EXT1: variants seen among roughly 807,000 people sequenced by gnomAD.
The protein encoded by EXT1 is exostosin glycosyltransferase 1.
EXT1 carries 20 observed loss-of-function variants against 82.5 expected under a neutral mutation model. That is an observed-to-expected ratio of 0.24 (90% CI 0.17 to 0.35). The LOEUF is 0.35. Ranked by LOEUF, EXT1 falls within the 10% of genes least tolerant of loss-of-function variation. The pLI is 1.00. For missense variants in EXT1, 757 were observed against 936.5 expected (o/e 0.81, Z 2.50); for synonymous variants, 348 against 350.8 (o/e 0.99, Z 0.09).
chr8:117,851,667 T>A (rs1812458183), intron 1 of EXT1, among the ~76,000 whole-genome samples: 1 of 149,344 alleles, frequency 6.7e-6, no homozygotes, highest in Admixed American at 6.6e-5. Flanking sequence ...TTAATTTATT[T>A]AATGCATTTG....
At chr8:117,991,753 C>A (rs550903361) in intron 1 of EXT1, among the ~76,000 whole-genome samples, 1 of 151,924 alleles carries the variant, frequency 6.6e-6, no homozygotes, top group Non-Finnish European at 1.5e-5. Flanking sequence ...GTGGACACAG[C>A]GTTTCACCAT....
chr8:117,807,485 G>A (rs544125887), intron 8 of EXT1, 108 bp from the exon 9 acceptor site: 17 of 1,245,352 alleles, frequency 1.4e-5, no homozygotes, highest in South Asian at 7.6e-5. Context: ...GGACTGTGGC[G>A]AAACATTAAT....
In EXT1 at chr8:117,881,307, C is replaced by CA. The variant is rs1304654414; in HGVS notation, c.963-44107dup. On this transcript the variant is annotated intron_variant, in intron 1 of 10. Coordinates refer to ENST00000378204, the MANE Select transcript of EXT1 (RefSeq NM_000127.3). ...CTAACATATTTACTATCTGGAACTTCAAAAAAAAGAATATTTGGGACTAGG... is the reference window on the plus strand; with the variant it reads ...CTAACATATTTACTATCTGGAACTTCAAAAAAAAAGAATATTTGGGACTAGG... Among the ~76,000 whole-genome samples the CA allele has an allele frequency of 4.0e-5, 6 of 151,650 alleles. No homozygotes were observed. The East Asian group carries it at 7.7e-4, about 19-fold the overall frequency.
At chr8:117,870,433 A>G (rs1405771857) in intron 1 of EXT1, among the ~76,000 whole-genome samples, 1 of 152,224 alleles carries the variant, frequency 6.6e-6, no homozygotes, top group Non-Finnish European at 1.5e-5. Flanking sequence ...CAGGGGATAC[A>G]AAGGTGATCC....
chr8:117,985,750 T>C (rs1815304238), intron 1 of EXT1, among the ~76,000 whole-genome samples: 1 of 152,232 alleles, frequency 6.6e-6, no homozygotes, highest in South Asian at 2.1e-4. Flanking sequence ...CTACATTGAT[T>C]TCATTTGCTT....
In EXT1 at chr8:117,869,187, C is replaced by T. The variant is rs372858073; in HGVS notation, c.963-31986G>A. The stretch of plus-strand genomic sequence containing the variant: ...AGTTTGCTCTGTGAACCCCAGTGAG[C>T]CTGCCCAAGCCTGCCTCCATATCCA... On this transcript the variant is annotated intron_variant, in intron 1 of 10. Transcript: ENST00000378204. Among the ~76,000 whole-genome samples, 19 of 152,314 alleles carry T rather than the reference C, an allele frequency of 1.2e-4. No homozygotes were observed. The East Asian group carries it at 3.3e-3, about 26-fold the overall frequency.
chr8:117,965,993 T>TACACACACACACACACACACACAC (rs35638588), intron 1 of EXT1, among the ~76,000 whole-genome samples: 2 of 150,478 alleles, frequency 1.3e-5, no homozygotes, highest in African/African-American at 4.9e-5. Flanking sequence ...TACATGCATA[T>TACACACACACACACACACACACAC]ACACACACAC....
In EXT1 at chr8:117,912,280, T is replaced by C. The variant is rs559546714; in HGVS notation, c.963-75079A>G. ...AGCTAGATCTTGCCATCATTAGAGA[T>C]TGCCTCAACAATTTTCAAGCCCTGA... On this transcript the variant is annotated intron_variant, in intron 1 of 10. Transcript: ENST00000378204. 2.0e-5 allele frequency among the ~76,000 whole-genome samples: 3 copies of C among 152,318 alleles called. No homozygotes were observed. In the South Asian group the frequency reaches 6.2e-4, roughly 32 times the overall value.
chr8:118,055,073 A>G (rs1412831151), intron 1 of EXT1, among the ~76,000 whole-genome samples: 2 of 152,156 alleles, frequency 1.3e-5, no homozygotes, highest in Non-Finnish European at 2.9e-5. Flanking sequence ...GCACTCATGC[A>G]TCCACTTCCA....
At chr8:117,805,879 T>A (rs772838107) in intron 9 of EXT1, among the ~76,000 whole-genome samples, 10 of 152,176 alleles carry the variant, frequency 6.6e-5, no homozygotes, top group Non-Finnish European at 1.2e-4. Context: ...AACTGCCAAA[T>A]TTGTATCTCC....
chr8:118,100,944 G>C (rs1321109988), intron 1 of EXT1, among the ~76,000 whole-genome samples: 1 of 152,076 alleles, frequency 6.6e-6, no homozygotes, highest in African/African-American at 2.4e-5. Context: ...ACAATGGCTG[G>C]ACTTCCAGGG....
chr8:117,794,917 T>C lies in EXT1; in HGVS notation c.*4795A>G, dbSNP rs1198675277. On this transcript the variant is annotated 3_prime_UTR_variant, in exon 11 of 11. Transcript: ENST00000378204. Reference sequence around the variant, plus strand: ...TCTGCCCCTCAACATATCCTATACATATTGTTCTCTCAAAATAAGTACACA... The same window carrying C: ...TCTGCCCCTCAACATATCCTATACACATTGTTCTCTCAAAATAAGTACACA... 3.9e-5 allele frequency: 6 copies of C among 152,226 alleles called. No homozygotes were observed. The highest frequency in any genetic ancestry group is 1.2e-4 in the African/African-American group (5 of 41,470). 9.4% of individuals were successfully genotyped at this position (152,226 alleles called of 1,614,324 possible).
chr8:117,849,265 C>T (rs1812416090), intron 1 of EXT1, among the ~76,000 whole-genome samples: 3 of 152,320 alleles, frequency 2.0e-5, no homozygotes, highest in Admixed American at 1.3e-4. Context: ...AGAATTCACA[C>T]ATGTATTTGT....
intron 1 of EXT1, among the ~76,000 whole-genome samples, chr8:118,106,693 C>A (rs1439696737): frequency 6.6e-6 from 1 of 152,138 alleles, no homozygotes; most frequent in Non-Finnish European, 1.5e-5. Flanking sequence ...CACAATAATG[C>A]CCTTTGTAGG....
intron 1 of EXT1, among the ~76,000 whole-genome samples, chr8:117,864,466 G>A (rs1035309304): frequency 2.0e-5 from 3 of 152,070 alleles, no homozygotes; most frequent in Non-Finnish European, 4.4e-5. Flanking sequence ...AAAAAAAATC[G>A]CGATCAGGAG....
chr8:118,004,198 C>G (rs1480179839), intron 1 of EXT1, among the ~76,000 whole-genome samples: 3 of 152,212 alleles, frequency 2.0e-5, no homozygotes, highest in African/African-American at 7.2e-5. Context: ...ATTTTCTGTC[C>G]TCCTCAACTA....
intron 1 of EXT1, among the ~76,000 whole-genome samples, chr8:117,873,457 T>G (rs993259244): frequency 1.4e-5 from 2 of 146,272 alleles, no homozygotes; most frequent in African/African-American, 5.1e-5. Flanking sequence ...CTTTTTTTTT[T>G]TTTTTTTTTT....
chr8:118,072,946 TAGCCATCCA>T (rs368877601), intron 1 of EXT1, among the ~76,000 whole-genome samples: 206 of 152,282 alleles, frequency 1.4e-3, no homozygotes, highest in Middle Eastern at 6.8e-3. Context: ...CTTGCCAATA[TAGCCATCCA>T]AGACACGAGG....
intron 1 of EXT1, among the ~76,000 whole-genome samples, chr8:118,032,883 G>C (rs1038013331): frequency 4.6e-5 from 7 of 151,988 alleles, no homozygotes; most frequent in Non-Finnish European, 8.8e-5. Context: ...CAAGAATCAG[G>C]AATAAAATTT....
Sources: allele counts gnomAD v4.1 joint callset (sites outside exome capture counted in the v4.1 genomes callset), GRCh38; gene constraint gnomAD v4.1.1; transcripts MANE v1.5; gene names NCBI Gene and HGNC (gene_info 2026-07-23, HGNC 2026-07-21).